Variants in ECT2 observed in about 807,000 individuals in gnomAD.
ECT2 encodes epithelial cell transforming 2, also known as protein ECT2.
In ECT2, 61 loss-of-function variants were observed where a neutral mutation model predicts 116.9. The ratio of observed to expected loss-of-function variants is 0.52; its 90% CI spans 0.42 to 0.65. The LOEUF (loss-of-function observed/expected upper bound fraction) is 0.65. ECT2 is among the 30% of genes least tolerant of loss of function. ECT2 has a pLI of 0.00. For missense variants in ECT2, 937 were observed against 1,078.7 expected (o/e 0.87, Z 1.84); for synonymous variants, 358 against 346.4 (o/e 1.03, Z -0.37).
chr3:172,776,198 CTTTTTTTTTTTT>C (rs60558773), intron 14 of ECT2, among the ~76,000 whole-genome samples: 7 of 111,600 alleles, frequency 6.3e-5, no homozygotes, highest in African/African-American at 2.4e-4. Flanking sequence ...TCAGTTTTTT[CTTTTTTTTTTTT>C]TTTTTTTTTT....
Position 172,762,437 on chromosome 3 carries a change from T to C in ECT2, c.780T>C (p.Asp260=). 6.3e-7 allele frequency: 1 copy of C among 1,594,202 alleles called. No homozygotes were observed. Among genetic ancestry groups the C allele is most frequent in the Non-Finnish European group, 8.5e-7 (1 of 1,175,646 alleles). The stretch of plus-strand genomic sequence containing the variant: ...TTAGGGATTTCTATGCAGCAGTTGA[T>C]GACTTTAGAAATGAATTTAAAGTTC... ...RNEQDFYAAV[D]DFRNEFKVPP... Residue 260 remains aspartate (D), a synonymous_variant, in exon 9 of 25, where the codon GAT becomes GAC. Transcript: ENST00000392692.
chr3:172,797,476 C>G (rs1225145862), intron 18 of ECT2, among the ~76,000 whole-genome samples: 1 of 152,138 alleles, frequency 6.6e-6, no homozygotes, highest in Admixed American at 6.5e-5. Flanking sequence ...TAACTGTTTT[C>G]TGTGGTTCTA....
In ECT2 at chr3:172,757,127, G is replaced by A; in HGVS notation, c.448G>A (p.Gly150Arg). ...CTACAAGGCTGATTGTAGAGTTATT[G>A]GACCACCAGTTGTATTAAATTGTTC... Reference protein sequence around the residue: ...DLYKADCRVIGPPVVLNCSQK... With the variant: ...DLYKADCRVIRPPVVLNCSQK... The change falls in exon 5 of 25, where the codon GGA (glycine) becomes AGA (arginine). Residue 150 changes from glycine to arginine, a missense_variant. Transcript: ENST00000392692. 6.5e-7 allele frequency: 1 copy of A among 1,549,362 alleles called. No individual in the cohort carries two copies. The highest frequency in any genetic ancestry group is 8.7e-7 in the Non-Finnish European group (1 of 1,153,894).
At chr3:172,818,729 A>G (rs1730213935) in intron 24 of ECT2, 16 of 1,288,582 alleles carry the variant, frequency 1.2e-5, no homozygotes, top group Admixed American at 2.3e-5. Context: ...AATTTCAAAA[A>G]AGTTCTTTCC....
intron 14 of ECT2, among the ~76,000 whole-genome samples, chr3:172,777,454 G>A (rs1284334774): frequency 6.6e-6 from 1 of 152,146 alleles, no homozygotes; most frequent in Non-Finnish European, 1.5e-5. Context: ...TACAACTTTA[G>A]AAGCCTCATC....
the ECT2 span, chr3:172,828,965 A>G: frequency 5.2e-6 from 7 of 1,333,846 alleles, no homozygotes; most frequent in African/African-American, 1.0e-4. Context: ...CTCAGCACCA[A>G]TAAATTGGTT....
intron 1 of ECT2, among the ~76,000 whole-genome samples, chr3:172,753,774 GACTGGGGTAGTT>G (rs1194678715): frequency 6.6e-6 from 1 of 152,196 alleles, no homozygotes; most frequent in Non-Finnish European, 1.5e-5. Context: ...ATTGTATAGG[GACTGGGGTAGTT>G]ACAGATGGTG....
intron 18 of ECT2, among the ~76,000 whole-genome samples, chr3:172,788,774 A>C (rs113114877): frequency 0.01 from 1,573 of 152,344 alleles, 34 homozygotes; most frequent in African/African-American, 0.035. Context: ...AAAAAATGCT[A>C]ACAGGCAGGA....
chr3:172,812,051 C>T (rs1728858293), intron 22 of ECT2, among the ~76,000 whole-genome samples: 2 of 150,126 alleles, frequency 1.3e-5, no homozygotes, highest in East Asian at 2.0e-4. Context: ...GTGGCACAAT[C>T]TTGGCTCACT....
chr3:172,818,323 A>T (rs1275331119), intron 24 of ECT2: 1 of 171,130 alleles, frequency 5.8e-6, no homozygotes, highest in Non-Finnish European at 1.2e-5. Context: ...GCAGATAAAC[A>T]TTAATTTGTG....
intron 22 of ECT2, among the ~76,000 whole-genome samples, chr3:172,812,845 T>C (rs1436674496): frequency 1.3e-5 from 2 of 152,070 alleles, no homozygotes; most frequent in Non-Finnish European, 2.9e-5. Context: ...AAAATTGAAA[T>C]AAAAATGGAA....
chr3:172,783,235 C>T (rs1723031808), intron 15 of ECT2, among the ~76,000 whole-genome samples: 1 of 152,044 alleles, frequency 6.6e-6, no homozygotes, highest in Admixed American at 6.6e-5. Flanking sequence ...GGCATTTATA[C>T]TTTTATTTTT....
At chr3:172,800,135 G>T (rs1433425534) in intron 18 of ECT2, among the ~76,000 whole-genome samples, 1 of 152,214 alleles carries the variant, frequency 6.6e-6, no homozygotes, top group Non-Finnish European at 1.5e-5. Flanking sequence ...GGGGGGAAAT[G>T]TGAGCATTGA....
At chr3:172,791,144 A>G (rs889801919) in intron 18 of ECT2, among the ~76,000 whole-genome samples, 2 of 152,068 alleles carry the variant, frequency 1.3e-5, no homozygotes, top group African/African-American at 4.8e-5. Context: ...ACAGAACAAG[A>G]CTCTTGTCTC....
At position 172,785,555 on chromosome 3, in the gene ECT2, G is replaced by C. The variant is rs566640556; in HGVS notation, c.1825+752G>C. Reference sequence around the variant, plus strand: ...AGAAGGATAACTAAATTATAAACAGGAAAAAGTCTATAATAAAAGATATAA... The same window carrying C: ...AGAAGGATAACTAAATTATAAACAGCAAAAAGTCTATAATAAAAGATATAA... On this transcript the variant is annotated intron_variant, in intron 17 of 24. Coordinates refer to ENST00000392692, the MANE Select transcript of ECT2 (RefSeq NM_001258315.2). Among the ~76,000 whole-genome samples, 134 of 151,038 alleles carry C rather than the reference G, an allele frequency of 8.9e-4. 1 individual carries two copies. Among genetic ancestry groups the C allele is most frequent in the African/African-American group, 3.1e-3 (129 of 41,186 alleles).
chr3:172,803,822 T>C (rs540752060), intron 20 of ECT2, among the ~76,000 whole-genome samples: 7 of 152,082 alleles, frequency 4.6e-5, no homozygotes, highest in African/African-American at 9.6e-5. Context: ...CTTTTTTTTT[T>C]CGACAGGGTC....
chr3:172,798,059 G>A (rs1396192006), intron 18 of ECT2, among the ~76,000 whole-genome samples: 1 of 152,034 alleles, frequency 6.6e-6, no homozygotes, highest in African/African-American at 2.4e-5. Context: ...TTTTTGAGGT[G>A]AACCCCTGGG....
intron 20 of ECT2, among the ~76,000 whole-genome samples, chr3:172,803,768 TTCTTTC>T (rs1297607423): frequency 6.6e-6 from 1 of 152,046 alleles, no homozygotes; most frequent in Non-Finnish European, 1.5e-5. Flanking sequence ...TCTTTTTCTT[TTCTTTC>T]TCTTTCTCTG....
chr3:172,825,002 C>CTA (rs370222638), downstream of ECT2, among the ~76,000 whole-genome samples: 265 of 152,232 alleles, frequency 1.7e-3, 5 homozygotes, highest in African/African-American at 6.2e-3. Context: ...TTTTGATAGA[C>CTA]TAGAGATTTG....
Sources: gnomAD v4.1 joint callset for allele counts (sites outside exome capture counted in the v4.1 genomes callset) on GRCh38, gnomAD v4.1.1 for gene constraint, MANE v1.5 for transcripts, NCBI Gene and HGNC (gene_info 2026-07-23, HGNC 2026-07-21) for gene names.